The following STK39 variants were observed in gnomAD, a reference collection of about 807,000 sequenced individuals.
STK39 encodes the protein serine/threonine kinase 39, also known as STE20/SPS1-related proline-alanine-rich protein kinase.
Under a neutral mutation model 77.8 loss-of-function variants are expected in STK39, and 20 were observed. The observed-to-expected ratio is 0.26, with a 90% CI of 0.18 to 0.37. The LOEUF is 0.37. Among genes scored for constraint, STK39 ranks in the 10% least tolerant of loss-of-function variants. STK39 has a pLI of 1.00. For missense variants in STK39, 479 were observed against 656.5 expected (o/e 0.73, Z 2.95); for synonymous variants, 246 against 234.1 (o/e 1.05, Z -0.47).
chr2:168,084,549 C>T (rs533211245), intron 10 of STK39, among the ~76,000 whole-genome samples: 118 of 152,244 alleles, frequency 7.8e-4, no homozygotes, highest in African/African-American at 2.7e-3. Context: ...GAAAGGAGGA[C>T]CCTGTTGTGC....
intron 16 of STK39, among the ~76,000 whole-genome samples, chr2:168,007,421 T>G (rs1434776696): frequency 6.6e-6 from 1 of 152,146 alleles, no homozygotes; most frequent in Non-Finnish European, 1.5e-5. Context: ...GAAATGCAGT[T>G]TGGGGCACTG....
At chr2:168,240,028 A>T (rs1004203570) in intron 1 of STK39, among the ~76,000 whole-genome samples, 1 of 152,264 alleles carries the variant, frequency 6.6e-6, no homozygotes, top group East Asian at 1.9e-4. Context: ...CATGCATATT[A>T]TACTTCAATA....
chr2:168,007,861 A>G (rs138307791), intron 16 of STK39, among the ~76,000 whole-genome samples: 192 of 152,232 alleles, frequency 1.3e-3, no homozygotes, highest in African/African-American at 4.1e-3. Flanking sequence ...TGAACTATGA[A>G]CACAATCTGG....
intron 12 of STK39, among the ~76,000 whole-genome samples, chr2:168,071,932 T>G (rs998095616): frequency 6.6e-6 from 1 of 150,964 alleles, no homozygotes; most frequent in African/African-American, 2.4e-5. Context: ...TCTAAGTACC[T>G]ATAATTTACT....
At chr2:167,998,428 C>T (rs529286912) in intron 16 of STK39, among the ~76,000 whole-genome samples, 1 of 152,316 alleles carries the variant, frequency 6.6e-6, no homozygotes, top group East Asian at 1.9e-4. Flanking sequence ...GTATTCTGTA[C>T]TCTATTATAA....
chr2:168,035,406 T>G (rs984325051), intron 14 of STK39, among the ~76,000 whole-genome samples: 1 of 151,378 alleles, frequency 6.6e-6, no homozygotes, highest in African/African-American at 2.5e-5. Context: ...AATTTTATCT[T>G]ATTTTAGTTT....
chr2:168,154,073 T>G (rs543762637), intron 5 of STK39, among the ~76,000 whole-genome samples: 72 of 152,304 alleles, frequency 4.7e-4, no homozygotes, highest in African/African-American at 1.7e-3. Flanking sequence ...TGGACCAGGA[T>G]GACAGCAGGG....
At chr2:168,239,549 C>A (rs372228202) in intron 1 of STK39, among the ~76,000 whole-genome samples, 11 of 152,168 alleles carry the variant, frequency 7.2e-5, no homozygotes, top group African/African-American at 2.2e-4. Context: ...TTGGCCCAAA[C>A]GCAACTAAAT....
At chr2:168,134,735 G>T (rs901493652) in intron 8 of STK39, among the ~76,000 whole-genome samples, 1 of 152,066 alleles carries the variant, frequency 6.6e-6, no homozygotes, top group Non-Finnish European at 1.5e-5. Context: ...AGCTCTCATC[G>T]TTGACAAAAA....
At chr2:168,174,242 G>A (rs1688900154) in intron 2 of STK39, among the ~76,000 whole-genome samples, 1 of 152,182 alleles carries the variant, frequency 6.6e-6, no homozygotes, top group African/African-American at 2.4e-5. Flanking sequence ...AGTGTAAAGT[G>A]TCAGGGCAAT....
At chr2:167,967,465 TCTGTATCATACTTTAGG>T (rs1350923890) in intron 16 of STK39, among the ~76,000 whole-genome samples, 1 of 152,238 alleles carries the variant, frequency 6.6e-6, no homozygotes, top group Non-Finnish European at 1.5e-5. Flanking sequence ...TTTTTGTTTC[TCTGTATCATACTTTAGG>T]CTTGAATACC....
intron 1 of STK39, among the ~76,000 whole-genome samples, chr2:168,244,470 T>C (rs1318510788): frequency 6.6e-6 from 1 of 152,212 alleles, no homozygotes; most frequent in East Asian, 1.9e-4. Flanking sequence ...CGGTTCACAC[T>C]GCTGGAGTCA....
intron 14 of STK39, among the ~76,000 whole-genome samples, chr2:168,048,568 T>C (rs1382235521): frequency 1.3e-5 from 2 of 152,018 alleles, no homozygotes; most frequent in African/African-American, 4.8e-5. Flanking sequence ...CTCTCATGAA[T>C]ATTGGACCAA....
At chr2:168,214,628 G>A (rs1689980500) in intron 1 of STK39, among the ~76,000 whole-genome samples, 1 of 152,164 alleles carries the variant, frequency 6.6e-6, no homozygotes, top group Non-Finnish European at 1.5e-5. Flanking sequence ...TTTATGTTAT[G>A]TGGATTACAC....
chr2:168,109,546 G>A (rs1235702299), intron 10 of STK39, among the ~76,000 whole-genome samples: 1 of 152,192 alleles, frequency 6.6e-6, no homozygotes, highest in African/African-American at 2.4e-5. Context: ...GGCATGGTGT[G>A]CAAAAGTTTC....
At chr2:168,206,748 A>T (rs1057386834) in intron 1 of STK39, among the ~76,000 whole-genome samples, 20 of 152,242 alleles carry the variant, frequency 1.3e-4, no homozygotes, top group Non-Finnish European at 2.6e-4. Flanking sequence ...TATTCCACTC[A>T]CTTCTGGCAG....
intron 8 of STK39, among the ~76,000 whole-genome samples, chr2:168,132,437 C>T (rs1188376870): frequency 6.6e-6 from 1 of 152,144 alleles, no homozygotes; most frequent in Non-Finnish European, 1.5e-5. Context: ...TATCCTGATG[C>T]ATTTCAGTGG....
At chr2:167,976,648 C>T (rs1414121308) in intron 16 of STK39, among the ~76,000 whole-genome samples, 3 of 152,282 alleles carry the variant, frequency 2.0e-5, no homozygotes, top group East Asian at 1.9e-4. Flanking sequence ...CCAACCTCTG[C>T]TCCTATGGCC....
intron 10 of STK39, among the ~76,000 whole-genome samples, chr2:168,117,798 T>C (rs577814518): frequency 6.6e-6 from 1 of 152,250 alleles, no homozygotes; most frequent in South Asian, 2.1e-4. Context: ...ACATAGACCA[T>C]GGGACCCTGG....
Sources: gnomAD v4.1 joint callset for allele counts (sites outside exome capture counted in the v4.1 genomes callset) on GRCh38, gnomAD v4.1.1 for gene constraint, MANE v1.5 for transcripts, NCBI Gene and HGNC (gene_info 2026-07-23, HGNC 2026-07-21) for gene names.